The following WDR48 variants were observed in gnomAD, a reference collection of about 807,000 sequenced individuals.
The protein encoded by WDR48 is WD repeat domain 48, also known as WD repeat-containing protein 48.
In WDR48, 22 loss-of-function variants were observed where a neutral mutation model predicts 94.0. That is an observed-to-expected ratio of 0.23 (90% CI 0.17 to 0.33). The LOEUF is 0.33. Among genes scored for constraint, WDR48 ranks in the 10% least tolerant of loss-of-function variants. The pLI is 1.00. For missense variants in WDR48, 541 were observed against 813.8 expected (o/e 0.66, Z 4.08); for synonymous variants, 278 against 280.5 (o/e 0.99, Z 0.09).
At chr3:39,093,049 G>A (rs1342133145) in intron 17 of WDR48, among the ~76,000 whole-genome samples, 2 of 152,170 alleles carry the variant, frequency 1.3e-5, no homozygotes, top group Non-Finnish European at 2.9e-5. Context: ...GTGTTGATGA[G>A]TCTAGTTTGG....
chr3:39,090,090 G>A (rs948080897), intron 16 of WDR48: 1 of 152,188 alleles, frequency 6.6e-6, no homozygotes, highest in African/African-American at 2.4e-5. Context: ...GGCTGTAGTA[G>A]TCTACATTCT....
chr3:39,067,191 C>T (rs1421426890), intron 5 of WDR48, among the ~76,000 whole-genome samples: 1 of 152,222 alleles, frequency 6.6e-6, no homozygotes. Context: ...TCTCCCACAG[C>T]ATTCCCTGGT....
intron 6 of WDR48, 26 bp from the exon 7 acceptor site, chr3:39,069,617 G>T: frequency 6.4e-7 from 1 of 1,562,394 alleles, no homozygotes; most frequent in Non-Finnish European, 8.8e-7. Flanking sequence ...TATTTAGTTT[G>T]TGTAATACTC....
chr3:39,061,211 T>C (rs576635780), intron 1 of WDR48, among the ~76,000 whole-genome samples: 1 of 152,282 alleles, frequency 6.6e-6, no homozygotes, highest in East Asian at 1.9e-4. Flanking sequence ...CAACTTGTTA[T>C]TTACATTAGG....
At chr3:39,086,508 T>G (rs1278680453) in intron 14 of WDR48, 2 of 152,248 alleles carry the variant, frequency 1.3e-5, no homozygotes, top group East Asian at 3.9e-4. Context: ...GATGTTCCTG[T>G]CAGAGAGAGG....
At chr3:39,074,621 T>C (rs952830317) in intron 7 of WDR48, 105 bp from the exon 8 acceptor site, 1 of 1,112,324 alleles carries the variant, frequency 9.0e-7, no homozygotes, top group Non-Finnish European at 1.3e-6. Flanking sequence ...CACAGGTTAA[T>C]AGAGTCGTGT....
intron 7 of WDR48, among the ~76,000 whole-genome samples, chr3:39,073,028 C>A (rs1176886735): frequency 1.3e-5 from 2 of 152,106 alleles, no homozygotes; most frequent in Non-Finnish European, 2.9e-5. Flanking sequence ...ACAAGTTGCC[C>A]CAGGCCACGA....
Position 39,068,807 on chromosome 3 carries a change from G to C in WDR48, c.518G>C (p.Ser173Thr), listed in dbSNP as rs777746881. The C allele has an allele frequency of 6.2e-7, 1 of 1,602,816 alleles. No individual in the cohort carries two copies. The highest frequency in any genetic ancestry group is 8.5e-7 in the Non-Finnish European group (1 of 1,172,372). The change falls in exon 6 of 19, where the codon AGC becomes ACC. Residue 173 changes from serine (S) to threonine (T), a missense_variant. By Grantham distance (58) the Ser-to-Thr change is moderately conservative. Transcript: ENST00000302313. Reference sequence around the variant, plus strand: ...AGTGGAAACAAAGATTCCATTTATAGCCTGGCCATGAATCAACTGGGAACA... The same window carrying C: ...AGTGGAAACAAAGATTCCATTTATACCCTGGCCATGAATCAACTGGGAACA... ...SLSGNKDSIY[S>T]LAMNQLGTII...
At chr3:39,090,891 T>C (rs969293596) in intron 16 of WDR48, 1 of 152,254 alleles carries the variant, frequency 6.6e-6, no homozygotes, top group Non-Finnish European at 1.5e-5. Context: ...GTCTTCTCTA[T>C]GCCTGAGCAC....
chr3:39,067,068 A>G (rs983797645), intron 5 of WDR48, among the ~76,000 whole-genome samples, 193 bp downstream of exon 5: 1 of 152,210 alleles, frequency 6.6e-6, no homozygotes, highest in Non-Finnish European at 1.5e-5. Flanking sequence ...CAGTCTAAAA[A>G]TGGTAACTTC....
At chr3:39,077,877 G>A (rs1436279407) in intron 9 of WDR48, 1 of 342,804 alleles carries the variant, frequency 2.9e-6, no homozygotes, top group Non-Finnish European at 5.3e-6. Flanking sequence ...GCCAACTTAT[G>A]ACCAATACAA....
rs767661073 is a variant in WDR48, at chr3:39,094,740, G to A, written c.2031G>A (p.Thr677=). ...DLTLHYRQKS[T] is the part of the protein sequence containing the mutation. The stretch of plus-strand genomic sequence containing the variant: ...CCCTCCATTACCGTCAGAAGTCCAC[G>A]TGAAGGCTGGGCTAATGCTCCTGGA... The change falls in exon 19 of 19, where the codon ACG becomes ACA. Residue 677 remains threonine, a synonymous_variant. Coordinates refer to ENST00000302313, the MANE Select transcript of WDR48 (RefSeq NM_020839.4). 1.2e-6 allele frequency: 2 copies of A among 1,614,036 alleles called. No individual in the cohort carries two copies. Among genetic ancestry groups the A allele is most frequent in the Non-Finnish European group, 1.7e-6 (2 of 1,180,002 alleles).
chr3:39,079,365 G>C (rs2034403061), intron 10 of WDR48, among the ~76,000 whole-genome samples: 1 of 152,196 alleles, frequency 6.6e-6, no homozygotes, highest in Non-Finnish European at 1.5e-5. Context: ...TGCAAAATGA[G>C]ACTAATACAG....
chr3:39,093,160 G>A (rs147967828), intron 17 of WDR48, among the ~76,000 whole-genome samples: 1 of 152,314 alleles, frequency 6.6e-6, no homozygotes, highest in Non-Finnish European at 1.5e-5. Context: ...TCAAGGTCTA[G>A]ACTCAGGCAT....
chr3:39,073,959 G>T (rs1559611565), intron 7 of WDR48, among the ~76,000 whole-genome samples: 1 of 152,220 alleles, frequency 6.6e-6, no homozygotes, highest in Non-Finnish European at 1.5e-5. Flanking sequence ...GTTTGTCAAA[G>T]ATAGTGAACA....
chr3:39,072,566 TC>T (rs1459230835), intron 7 of WDR48, among the ~76,000 whole-genome samples: 6 of 152,180 alleles, frequency 3.9e-5, no homozygotes, highest in South Asian at 2.1e-4. Context: ...CACTGGTACT[TC>T]CTATCTTCAT....
intron 17 of WDR48, among the ~76,000 whole-genome samples, chr3:39,093,461 A>G (rs1341823681): frequency 6.6e-6 from 1 of 152,170 alleles, no homozygotes; most frequent in East Asian, 1.9e-4. Flanking sequence ...CATCCTGAGT[A>G]GCTGGAATTA....
chr3:39,074,218 A>G (rs2034093689), intron 7 of WDR48, among the ~76,000 whole-genome samples: 1 of 152,228 alleles, frequency 6.6e-6, no homozygotes. Context: ...AGGATTGACC[A>G]GAAATCAACA....
intron 10 of WDR48, among the ~76,000 whole-genome samples, 199 bp downstream of exon 10, chr3:39,078,438 A>G (rs1164652564): frequency 6.6e-6 from 1 of 151,316 alleles, no homozygotes; most frequent in Non-Finnish European, 1.5e-5. Flanking sequence ...TGTTTTTTTG[A>G]GATGGAGTGT....
Sources: allele counts gnomAD v4.1 joint callset (sites outside exome capture counted in the v4.1 genomes callset), GRCh38; gene constraint gnomAD v4.1.1; transcripts MANE v1.5; gene names NCBI Gene and HGNC (gene_info 2026-07-23, HGNC 2026-07-21).